The following SLC9A9 variants were observed in gnomAD, a reference collection of about 807,000 sequenced individuals.
The protein encoded by SLC9A9 is solute carrier family 9 member A9.
A neutral mutation model predicts 77.8 loss-of-function variants in SLC9A9; 62 were observed. That is an observed-to-expected ratio of 0.80 (90% CI 0.65 to 0.98). The LOEUF is 0.98. SLC9A9 is among the 50% of genes least tolerant of loss of function. The probability of loss-of-function intolerance (pLI) is 0.00; values close to 1 mark genes in which losing one functional copy is unlikely to be tolerated. For missense variants in SLC9A9, 775 were observed against 774.9 expected (o/e 1.00, Z 0.00); for synonymous variants, 320 against 283.5 (o/e 1.13, Z -1.29).
At chr3:143,576,422 C>T (rs190899705) in intron 7 of SLC9A9, among the ~76,000 whole-genome samples, 6 of 152,280 alleles carry the variant, frequency 3.9e-5, no homozygotes, top group African/African-American at 1.4e-4. Context: ...TACGTATCCT[C>T]CTTGAGCCTC....
chr3:143,387,090 C>T (rs1464624152), intron 12 of SLC9A9, among the ~76,000 whole-genome samples: 2 of 152,208 alleles, frequency 1.3e-5, no homozygotes, highest in East Asian at 1.9e-4. Context: ...ATCCATCCAC[C>T]TAGGCTTCCC....
At chr3:143,486,744 A>G (rs2035658654) in intron 11 of SLC9A9, among the ~76,000 whole-genome samples, 1 of 151,998 alleles carries the variant, frequency 6.6e-6, no homozygotes, top group Non-Finnish European at 1.5e-5. Context: ...TCTTAAGTGT[A>G]ATCTCCATGG....
Position 143,595,895 on chromosome 3 carries a change from G to C in SLC9A9, c.756-17172C>G, listed in dbSNP as rs1270932990. On this transcript the variant is annotated intron_variant, in intron 6 of 15. Transcript: ENST00000316549. ...AGGAGGGAGATGGGACCTACTCCTT[G>C]TTGTACAATAGATTCTAATATGCTG... is the stretch of plus-strand genomic sequence containing the variant. 3.3e-5 allele frequency among the ~76,000 whole-genome samples: 5 copies of C among 152,272 alleles called. No individual in the cohort carries two copies. The East Asian group carries it at 9.6e-4, about 29-fold the overall frequency.
intron 4 of SLC9A9, among the ~76,000 whole-genome samples, chr3:143,760,527 C>T (rs1268381672): frequency 6.6e-6 from 1 of 152,114 alleles, no homozygotes; most frequent in African/African-American, 2.4e-5. Flanking sequence ...GTGCAAAAAT[C>T]ACAAGCATTC....
chr3:143,267,495 A>T (rs189107260), intron 15 of SLC9A9, among the ~76,000 whole-genome samples: 1 of 151,918 alleles, frequency 6.6e-6, no homozygotes, highest in African/African-American at 2.4e-5. Context: ...GATTACAGGC[A>T]TGTGCCACCA....
At position 143,587,303 on chromosome 3, in the gene SLC9A9, CAT is replaced by C. The variant is rs764647016; in HGVS notation, c.756-8582_756-8581del. 3.9e-5 allele frequency among the ~76,000 whole-genome samples: 6 copies of C among 152,184 alleles called. No individual in the cohort carries two copies. The East Asian group carries it at 7.7e-4, about 20-fold the overall frequency. ...CCTTACATCTCAGTGGAGAAGAAAA[CAT>C]AATAAATAGCTAAGCAAATAAATGT... On this transcript the variant is annotated intron_variant, in intron 6 of 15. Coordinates refer to ENST00000316549, the MANE Select transcript of SLC9A9 (RefSeq NM_173653.4).
chr3:143,388,916 T>C (rs1473691608), intron 12 of SLC9A9, among the ~76,000 whole-genome samples: 1 of 152,134 alleles, frequency 6.6e-6, no homozygotes, highest in African/African-American at 2.4e-5. Context: ...AGATGGACAC[T>C]GAAAAGTGAG....
At chr3:143,693,378 A>T (rs1933536587) in intron 4 of SLC9A9, 71 bp from the exon 5 acceptor site, 8 of 1,230,812 alleles carry the variant, frequency 6.5e-6, no homozygotes, top group Non-Finnish European at 9.6e-6. Context: ...ATCATAAGCC[A>T]CATGCTAATG....
intron 4 of SLC9A9, among the ~76,000 whole-genome samples, chr3:143,728,277 G>A (rs1934713133): frequency 6.6e-6 from 1 of 152,170 alleles, no homozygotes; most frequent in Admixed American, 6.5e-5. Flanking sequence ...AGAAAAAACT[G>A]GAGTGAGATG....
intron 12 of SLC9A9, among the ~76,000 whole-genome samples, chr3:143,390,462 G>A (rs981177690): frequency 5.3e-5 from 8 of 152,154 alleles, no homozygotes; most frequent in Non-Finnish European, 7.4e-5. Context: ...ATACATGTAA[G>A]GGGTGAATTG....
intron 5 of SLC9A9, among the ~76,000 whole-genome samples, chr3:143,659,967 A>C (rs976919019): frequency 6.6e-6 from 1 of 152,198 alleles, no homozygotes; most frequent in African/African-American, 2.4e-5. Context: ...GTTCCGGTAC[A>C]CAAGCTCTCT....
intron 2 of SLC9A9, among the ~76,000 whole-genome samples, chr3:143,810,025 G>A (rs1055944341): frequency 5.9e-5 from 9 of 152,244 alleles, no homozygotes; most frequent in Non-Finnish European, 1.3e-4. Flanking sequence ...GAAACATTAC[G>A]TATGTCTTAT....
chr3:143,726,578 T>C (rs1442588362), intron 4 of SLC9A9, among the ~76,000 whole-genome samples: 1 of 152,206 alleles, frequency 6.6e-6, no homozygotes, highest in Non-Finnish European at 1.5e-5. Context: ...CTGAACACAG[T>C]ATGTGACACA....
Position 143,378,515 on chromosome 3 carries a change from G to A in SLC9A9, c.1524+3545C>T, listed in dbSNP as rs1026895575. On this transcript the variant is annotated intron_variant, in intron 13 of 15. Coordinates refer to ENST00000316549, the MANE Select transcript of SLC9A9 (RefSeq NM_173653.4). ...TTAAGAATAATAGCTAGTGCCCAAC[G>A]AATATGGGAGTGAGTACGATCAAAT... is the stretch of plus-strand genomic sequence containing the variant. Among the ~76,000 whole-genome samples, 8 of 152,324 alleles carry A rather than the reference G, an allele frequency of 5.3e-5. No homozygotes were observed. In the East Asian group the frequency reaches 1.3e-3, roughly 26 times the overall value.
At chr3:143,517,896 C>T (rs1370943134) in intron 9 of SLC9A9, 1 of 1,533,732 alleles carries the variant, frequency 6.5e-7, no homozygotes, top group East Asian at 2.2e-5. Context: ...TTTGCCTGAT[C>T]CATCATCTCC....
At chr3:143,630,168 T>G (rs1316754138) in intron 6 of SLC9A9, among the ~76,000 whole-genome samples, 1 of 152,220 alleles carries the variant, frequency 6.6e-6, no homozygotes, top group African/African-American at 2.4e-5. Flanking sequence ...TTTGCGTTAT[T>G]CATCAAGGAG....
chr3:143,642,323 T>G (rs1448078758), intron 6 of SLC9A9, among the ~76,000 whole-genome samples: 2 of 152,234 alleles, frequency 1.3e-5, no homozygotes. Flanking sequence ...TTCTTCTTTC[T>G]CTTTGATGAT....
intron 12 of SLC9A9, among the ~76,000 whole-genome samples, chr3:143,433,692 A>G (rs1576494130): frequency 1.3e-5 from 2 of 152,338 alleles, no homozygotes; most frequent in South Asian, 4.1e-4. Flanking sequence ...CCAGAAAGCA[A>G]TTAACTTATG....
intron 5 of SLC9A9, among the ~76,000 whole-genome samples, chr3:143,659,450 A>G (rs934243972): frequency 6.6e-6 from 1 of 152,256 alleles, no homozygotes; most frequent in Non-Finnish European, 1.5e-5. Context: ...TGAAACAAGC[A>G]GATATCTTGT....
Sources: allele counts gnomAD v4.1 joint callset (sites outside exome capture counted in the v4.1 genomes callset), GRCh38; gene constraint gnomAD v4.1.1; transcripts MANE v1.5; gene names NCBI Gene and HGNC (gene_info 2026-07-23, HGNC 2026-07-21).